Variants in WWC2 observed in about 807,000 individuals in gnomAD.
WWC2 encodes the protein protein WWC2.
In WWC2, 101 loss-of-function variants were observed where a neutral mutation model predicts 138.5. The ratio of observed to expected loss-of-function variants is 0.73; its 90% CI spans 0.62 to 0.86. The LOEUF is 0.86. WWC2 is among the 40% of genes least tolerant of loss of function. The pLI is 0.00. For missense variants in WWC2, 1,420 were observed against 1,419.4 expected (o/e 1.00, Z -0.01); for synonymous variants, 558 against 538.4 (o/e 1.04, Z -0.50).
intron 1 of WWC2, among the ~76,000 whole-genome samples, chr4:183,116,210 G>A (rs1029398778): frequency 6.6e-6 from 1 of 152,026 alleles, no homozygotes; most frequent in South Asian, 2.1e-4. Context: ...GTCTGTTTTT[G>A]CACCATTCAC....
rs976034300 is a variant in WWC2 at position 183,265,361 on chromosome 4, G to A, written c.2039+254G>A. On this transcript the variant is annotated intron_variant, in intron 12 of 22. Transcript: ENST00000403733. ...AATTTAAAAACCTTGAATTTAGTGG[G>A]AATATTGGAAGAATTCACCAGACCC... is the stretch of plus-strand genomic sequence containing the variant. Among the ~76,000 whole-genome samples, 3 of 152,298 alleles carry A rather than the reference G, an allele frequency of 2.0e-5. No homozygotes were observed. The East Asian group carries it at 5.8e-4, about 29-fold the overall frequency.
chr4:183,146,429 A>G (rs1164967619), intron 1 of WWC2, among the ~76,000 whole-genome samples: 2 of 152,264 alleles, frequency 1.3e-5, no homozygotes, highest in South Asian at 2.1e-4. Context: ...TATGGTAAAC[A>G]GAACAGCTAG....
Position 183,207,950 on chromosome 4 carries a change from C to G in WWC2, c.242-3C>G. The G allele has an allele frequency of 6.2e-7, 1 of 1,601,646 alleles. No homozygotes were observed. Among genetic ancestry groups the G allele is most frequent in the Non-Finnish European group, 8.5e-7 (1 of 1,174,320 alleles). The stretch of plus-strand genomic sequence containing the variant: ...AAAAGTACCCTCCACCTAATGTTTT[C>G]AGAAACCACGCAGATAGAAGATCCA... On this transcript the variant is annotated splice_region_variant and splice_polypyrimidine_tract_variant and intron_variant, in intron 2 of 22. Transcript: ENST00000403733.
intron 2 of WWC2, among the ~76,000 whole-genome samples, chr4:183,201,266 A>G: frequency 6.3e-5 from 1 of 15,968 alleles, no homozygotes; most frequent in African/African-American, 8.7e-5. Flanking sequence ...CAGCTCTAGC[A>G]TACAGTTTGT....
chr4:183,226,750 CT>C, intron 4 of WWC2, among the ~76,000 whole-genome samples: 1 of 152,008 alleles, frequency 6.6e-6, no homozygotes, highest in South Asian at 2.1e-4. Flanking sequence ...CATTAGGGGA[CT>C]TTTTTTATCC....
chr4:183,138,734 G>C (rs1166935289), intron 1 of WWC2, among the ~76,000 whole-genome samples: 1 of 152,076 alleles, frequency 6.6e-6, no homozygotes, highest in Non-Finnish European at 1.5e-5. Context: ...TCAGTTCCTG[G>C]CCTGAACATT....
intron 1 of WWC2, among the ~76,000 whole-genome samples, chr4:183,107,311 G>A (rs544822759): frequency 6.6e-6 from 1 of 152,174 alleles, no homozygotes; most frequent in Non-Finnish European, 1.5e-5. Flanking sequence ...ATAGGCACAA[G>A]CCACCATGCC....
chr4:183,280,801 G>A lies in WWC2; in HGVS notation c.2588G>A (p.Arg863Lys). Residue 863 changes from arginine (R) to lysine (K), a missense_variant, in exon 17 of 23, where the codon AGA becomes AAA. Physicochemically the swap from Arg to Lys is conservative, Grantham distance 26. Coordinates refer to ENST00000403733, the MANE Select transcript of WWC2 (RefSeq NM_024949.6). ...GATGCAGTGTCAGCCTTACTTGCAA[G>A]AACATCAGCTGAGTTGTTAGCTGTG... ...DLDAVSALLA[R>K]TSAELLAVEQ... The A allele has an allele frequency of 1.9e-6, 3 of 1,604,688 alleles. No homozygotes were observed. The highest frequency in any genetic ancestry group is 2.6e-6 in the Non-Finnish European group (3 of 1,175,574).
Position 183,265,281 on chromosome 4 carries a change from A to T in WWC2, c.2039+174A>T, listed in dbSNP as rs188791772. Among the ~76,000 whole-genome samples the T allele has an allele frequency of 9.2e-5, 14 of 152,368 alleles. No individual in the cohort carries two copies. In the East Asian group the frequency reaches 2.7e-3, roughly 29 times the overall value. On this transcript the variant is annotated intron_variant, in intron 12 of 22. Transcript: ENST00000403733. ...TCAGTATATCAAAAATGACTTAGCC[A>T]TGGAAATTATCGATAAACAGATTGG...
intron 1 of WWC2, among the ~76,000 whole-genome samples, chr4:183,104,500 T>G (rs1472064250): frequency 1.3e-5 from 2 of 152,156 alleles, no homozygotes; most frequent in African/African-American, 4.8e-5. Flanking sequence ...GAATTACTTA[T>G]AAGAGCAAAG....
intron 22 of WWC2, 39 bp downstream of exon 22, chr4:183,312,507 C>CA (rs1739291464): frequency 6.2e-7 from 1 of 1,610,500 alleles, no homozygotes; most frequent in African/African-American, 1.3e-5. Context: ...GGGTTGCCCT[C>CA]ACGGGGTCTG....
chr4:183,270,992 A>G (rs1020960089), intron 15 of WWC2, 88 bp from the exon 16 acceptor site: 13 of 1,191,948 alleles, frequency 1.1e-5, no homozygotes, highest in Non-Finnish European at 1.3e-5. Flanking sequence ...TCATTCAATA[A>G]TCTTTATTAT....
chr4:183,247,521 TATATA>T (rs2111327600), intron 6 of WWC2, among the ~76,000 whole-genome samples: 3 of 138,918 alleles, frequency 2.2e-5, no homozygotes, highest in African/African-American at 8.7e-5. Context: ...TACACTATAC[TATATA>T]TATACTATAT....
Position 183,280,813 on chromosome 4 carries a change from AGTTGTTAGC to A in WWC2, c.2601_2609del (p.Glu867_Ala870delinsAsp). ...GCCTTACTTGCAAGAACATCAGCTG[AGTTGTTAGC>A]TGTGGAACAAGAATTAGCACAAGAA... is the stretch of plus-strand genomic sequence containing the variant. On this transcript the variant is annotated inframe_deletion, in exon 17 of 23. Coordinates refer to ENST00000403733, the MANE Select transcript of WWC2 (RefSeq NM_024949.6). 2.5e-6 allele frequency: 4 copies of A among 1,604,034 alleles called. No homozygotes were observed. The highest frequency in any genetic ancestry group is 3.4e-6 in the Non-Finnish European group (4 of 1,175,230).
At chr4:183,224,347 CA>C (rs1736009812) in intron 4 of WWC2, among the ~76,000 whole-genome samples, 1 of 152,112 alleles carries the variant, frequency 6.6e-6, no homozygotes, top group African/African-American at 2.4e-5. Flanking sequence ...AAAAATATTA[CA>C]GTCTAAGTAT....
Position 183,319,565 on chromosome 4 carries a change from C to CCTGAAA in WWC2, c.*3836_*3837insCTGAAA, listed in dbSNP as rs1739563279. On this transcript the variant is annotated 3_prime_UTR_variant, in exon 23 of 23. Transcript: ENST00000403733. ...GCTTGTCCTTTCTGGCTTAGTGTTT[C>CCTGAAA]AGGTTGGTGTTTCTCGTCTCCAGTT... 6.2e-7 allele frequency: 1 copy of CCTGAAA among 1,609,996 alleles called. No individual in the cohort carries two copies. The highest frequency in any genetic ancestry group is 2.2e-5 in the East Asian group (1 of 44,882).
At chr4:183,211,888 C>T (rs935504605) in intron 4 of WWC2, among the ~76,000 whole-genome samples, 2 of 151,410 alleles carry the variant, frequency 1.3e-5, no homozygotes, top group African/African-American at 4.9e-5. Flanking sequence ...GTGGCGCTAT[C>T]TCAGCTCACT....
intron 1 of WWC2, 134 bp downstream of exon 1, chr4:183,099,756 C>G (rs1743104068): frequency 1.0e-6 from 1 of 960,506 alleles, no homozygotes. Flanking sequence ...GTGGGGCTGG[C>G]TGCTCCGGCG....
intron 2 of WWC2, among the ~76,000 whole-genome samples, chr4:183,199,292 T>A (rs1329512068): frequency 1.3e-5 from 2 of 152,080 alleles, no homozygotes; most frequent in Non-Finnish European, 1.5e-5. Flanking sequence ...GTCGGGAATC[T>A]TTCAAAGCCC....
Sources: gnomAD v4.1 joint callset for allele counts (sites outside exome capture counted in the v4.1 genomes callset) on GRCh38, gnomAD v4.1.1 for gene constraint, MANE v1.5 for transcripts, NCBI Gene and HGNC (gene_info 2026-07-23, HGNC 2026-07-21) for gene names.